ADAMTSL1: variants seen among roughly 807,000 people sequenced by gnomAD.
The protein encoded by ADAMTSL1 is ADAMTS like 1, also known as ADAMTS-like protein 1.
Under a neutral mutation model 201.8 loss-of-function variants are expected in ADAMTSL1, and 126 were observed. That is an observed-to-expected ratio of 0.62 (90% confidence interval 0.54 to 0.72). The LOEUF is 0.72. ADAMTSL1 is among the 30% of genes least tolerant of loss of function. The pLI is 0.00. For missense variants in ADAMTSL1, 2,679 were observed against 2,277.8 expected, an observed-to-expected ratio of 1.18 and a Z score of -3.59; for synonymous variants, 1,121 against 903.4, an observed-to-expected ratio of 1.24 and a Z score of -4.32.
intron 2 of ADAMTSL1, among the ~76,000 whole-genome samples, chr9:18,246,792 C>T (rs1323438455): frequency 6.6e-6 from 1 of 152,116 alleles, no homozygotes; most frequent in Admixed American, 6.5e-5. Context: ...ATAACCACGG[C>T]ACCACTATCA....
chr9:18,066,903 C>T (rs1019788671), intron 1 of ADAMTSL1, among the ~76,000 whole-genome samples: 7 of 152,038 alleles, frequency 4.6e-5, no homozygotes, highest in South Asian at 2.1e-4. Flanking sequence ...AACCAAACAC[C>T]GCATATTCTC....
At chr9:18,643,658 C>T (rs937941544) in intron 7 of ADAMTSL1, among the ~76,000 whole-genome samples, 16 of 151,864 alleles carry the variant, frequency 1.1e-4, no homozygotes, top group East Asian at 3.9e-4. Flanking sequence ...CTGTCCTTTT[C>T]GCAGCAACTT....
chr9:17,939,284 C>T (rs1827135263), intron 1 of ADAMTSL1, among the ~76,000 whole-genome samples: 3 of 98,270 alleles, frequency 3.1e-5, no homozygotes, highest in South Asian at 9.0e-4. Context: ...CAAAGCCTCC[C>T]TTCATTAGAA....
At chr9:18,130,877 A>G (rs535442112) in intron 1 of ADAMTSL1, among the ~76,000 whole-genome samples, 1 of 152,164 alleles carries the variant, frequency 6.6e-6, no homozygotes, top group Non-Finnish European at 1.5e-5. Flanking sequence ...TGGCAGCTTA[A>G]GTATCCATCA....
At chr9:17,934,758 A>G (rs929468809) in intron 1 of ADAMTSL1, among the ~76,000 whole-genome samples, 3 of 152,178 alleles carry the variant, frequency 2.0e-5, no homozygotes, top group East Asian at 3.9e-4. Flanking sequence ...GTATTCTGAC[A>G]TATCTCCAGT....
intron 2 of ADAMTSL1, among the ~76,000 whole-genome samples, chr9:18,355,101 T>C (rs1353530285): frequency 6.6e-6 from 1 of 151,480 alleles, no homozygotes; most frequent in East Asian, 1.9e-4. Flanking sequence ...ATCCCTAGTT[T>C]AGAATCTACA....
chr9:18,859,366 T>A (rs1827067311), intron 23 of ADAMTSL1, among the ~76,000 whole-genome samples: 1 of 152,186 alleles, frequency 6.6e-6, no homozygotes, highest in Admixed American at 6.5e-5. Context: ...ATCTTCCCCA[T>A]TATAAGGCCC....
chr9:18,909,646 C>G lies in ADAMTSL1; in HGVS notation c.*1098C>G, dbSNP rs1465507311. 1.4e-5 allele frequency: 2 copies of G among 138,282 alleles called. No individual in the cohort carries two copies. The highest frequency in any genetic ancestry group is 3.1e-5 in the Non-Finnish European group (2 of 63,638). The allele number at this position is 138,282 out of a possible 1,614,324, so 8.6% of individuals were successfully genotyped here. A position where few individuals can be genotyped will look rare whatever the true frequency, so the allele number is the denominator to read the frequency against. ...TCAACATCAACCCATTAACTAGTCA[C>G]TGTGCCAGAGAGTATCTGTCAGGCT... On this transcript the variant is annotated 3_prime_UTR_variant, in exon 29 of 29. Transcript: ENST00000380548.
At chr9:18,250,016 A>G (rs1182949250) in intron 2 of ADAMTSL1, among the ~76,000 whole-genome samples, 2 of 152,246 alleles carry the variant, frequency 1.3e-5, no homozygotes, top group East Asian at 1.9e-4. Context: ...CCTGTAATAA[A>G]TACTATCTAA....
intron 9 of ADAMTSL1, among the ~76,000 whole-genome samples, chr9:18,664,311 T>C (rs1343206753): frequency 6.6e-6 from 1 of 151,924 alleles, no homozygotes; most frequent in Non-Finnish European, 1.5e-5. Context: ...CCTAAGAAAA[T>C]TAGATAGAAT....
chr9:18,720,150 T>G (rs922802912), intron 14 of ADAMTSL1, among the ~76,000 whole-genome samples: 1 of 152,152 alleles, frequency 6.6e-6, no homozygotes, highest in Non-Finnish European at 1.5e-5. Flanking sequence ...TCTAGGTTAT[T>G]CCTAAAGATC....
chr9:18,014,856 T>C (rs1820193144), intron 1 of ADAMTSL1, among the ~76,000 whole-genome samples: 1 of 152,024 alleles, frequency 6.6e-6, no homozygotes, highest in Non-Finnish European at 1.5e-5. Flanking sequence ...TGTATGCAGC[T>C]TGTGGAAAAT....
intron 20 of ADAMTSL1, among the ~76,000 whole-genome samples, chr9:18,803,771 G>C (rs1460040668): frequency 1.3e-5 from 2 of 151,850 alleles, no homozygotes; most frequent in East Asian, 1.9e-4. Flanking sequence ...ATATAGCCTT[G>C]AGGCTACCAA....
chr9:18,357,277 C>G (rs1237137681), intron 2 of ADAMTSL1, among the ~76,000 whole-genome samples: 1 of 151,878 alleles, frequency 6.6e-6, no homozygotes, highest in Non-Finnish European at 1.5e-5. Flanking sequence ...TCAAAATAAT[C>G]CTGTTGAAAA....
intron 3 of ADAMTSL1, among the ~76,000 whole-genome samples, chr9:18,571,306 C>G (rs1822280780): frequency 6.6e-6 from 1 of 152,202 alleles, no homozygotes; most frequent in South Asian, 2.1e-4. Flanking sequence ...GCGATTCAGC[C>G]TGACCCTTCT....
At chr9:18,141,277 T>C (rs1211165123) in intron 1 of ADAMTSL1, among the ~76,000 whole-genome samples, 1 of 151,914 alleles carries the variant, frequency 6.6e-6, no homozygotes, top group African/African-American at 2.4e-5. Flanking sequence ...GAGGTTTGGG[T>C]TCCTCATCAT....
chr9:18,370,656 A>G (rs1239608982), intron 2 of ADAMTSL1, among the ~76,000 whole-genome samples: 2 of 144,406 alleles, frequency 1.4e-5, no homozygotes, highest in Non-Finnish European at 3.0e-5. Flanking sequence ...TTGTGTGTGT[A>G]TTTCATACAT....
intron 17 of ADAMTSL1, among the ~76,000 whole-genome samples, chr9:18,774,363 C>A (rs1820862338): frequency 1.3e-5 from 2 of 151,994 alleles, no homozygotes; most frequent in African/African-American, 2.4e-5. Context: ...GAACTTGAGC[C>A]CTCTGTTCTG....
chr9:18,176,295 G>T (rs10963498), intron 2 of ADAMTSL1, among the ~76,000 whole-genome samples: 5 of 151,842 alleles, frequency 3.3e-5, no homozygotes, highest in Non-Finnish European at 5.9e-5. Flanking sequence ...ATCTTAAGCA[G>T]GGTAAAAATA....
Sources: gnomAD v4.1 joint callset for allele counts (sites outside exome capture counted in the v4.1 genomes callset) on GRCh38, gnomAD v4.1.1 for gene constraint, MANE v1.5 for transcripts, NCBI Gene and HGNC (gene_info 2026-07-23, HGNC 2026-07-21) for gene names.